Variants in TMEM204 observed in about 807,000 individuals in gnomAD.
TMEM204 encodes transmembrane protein 204, also known as claudin-like protein 24.
TMEM204 carries 15 observed loss-of-function variants against 19.4 expected under a neutral mutation model. The ratio of observed to expected loss-of-function variants is 0.77; its 90% CI spans 0.52 to 1.19. TMEM204 has a LOEUF of 1.19. Among genes scored for constraint, TMEM204 ranks in the 50% most tolerant of loss-of-function variants. TMEM204 has a pLI of 0.00. For synonymous variants in TMEM204, 161 were observed against 146.0 expected (o/e 1.10, Z -0.74); for missense variants, 287 against 321.2 (o/e 0.89, Z 0.81).
Position 1,554,784 on chromosome 16 carries a change from T to C in TMEM204, c.439T>C (p.Phe147Leu), listed in dbSNP as rs2032953423. The C allele has an allele frequency of 6.2e-7, 1 of 1,613,974 alleles. No individual in the cohort carries two copies. Among genetic ancestry groups the C allele is most frequent in the Non-Finnish European group, 8.5e-7 (1 of 1,179,992 alleles). Residue 147 changes from phenylalanine to leucine, a missense_variant and splice_region_variant, in exon 3 of 3, where the codon TTT (phenylalanine) becomes CTT (leucine). Physicochemically the swap from Phe to Leu is conservative, Grantham distance 22. Transcript: ENST00000566264. Reference protein sequence around the residue: ...AMAAAFQLASFVLVIGLVTFY... With the variant: ...AMAAAFQLASLVLVIGLVTFY... ...CTCAACCCTTCTCTCATCTGCAGGT[T>C]TTGTCCTGGTCATCGGGCTCGTGAC... is the stretch of plus-strand genomic sequence containing the variant.
chr16:1,545,262 G>A (rs900167980), intron 2 of TMEM204, among the ~76,000 whole-genome samples: 2 of 152,026 alleles, frequency 1.3e-5, no homozygotes, highest in Non-Finnish European at 2.9e-5. Flanking sequence ...ACCAGGCTCT[G>A]TTCAACAACC....
At chr16:1,546,233 C>T (rs1266674617) in intron 2 of TMEM204, among the ~76,000 whole-genome samples, 2 of 152,224 alleles carry the variant, frequency 1.3e-5, no homozygotes, top group Non-Finnish European at 2.9e-5. Flanking sequence ...TGGCACCTGA[C>T]GCCTGAGTGG....
intron 2 of TMEM204, among the ~76,000 whole-genome samples, chr16:1,547,268 G>T (rs1596341506): frequency 6.6e-6 from 1 of 152,316 alleles, no homozygotes; most frequent in East Asian, 1.9e-4. Flanking sequence ...GATGGCACTG[G>T]TCCGTCCCGA....
rs145332941 is a variant in TMEM204 at position 1,540,705 on chromosome 16, C to T, written c.281-1216C>T. ...CGCTCCTGAGTGGTGAGGCTGCTTC[C>T]CTCTTAGATTCCTGCATCAGTTACC... On this transcript the variant is annotated intron_variant, in intron 1 of 2. Transcript: ENST00000566264. 7.5e-4 allele frequency: 338 copies of T among 449,146 alleles called. 2 individuals are homozygous for T. The Middle Eastern group carries it at 0.011, about 14-fold the overall frequency. 27.8% of individuals were successfully genotyped at this position (449,146 alleles called of 1,614,324 possible).
At chr16:1,549,145 C>A (rs149768875) in intron 2 of TMEM204, among the ~76,000 whole-genome samples, 218 of 152,362 alleles carry the variant, frequency 1.4e-3, no homozygotes, top group African/African-American at 5.0e-3. Context: ...GTCTCACTGG[C>A]GTCCGAGGGC....
chr16:1,540,270 T>G (rs2031505185), intron 1 of TMEM204, among the ~76,000 whole-genome samples: 1 of 152,212 alleles, frequency 6.6e-6, no homozygotes, highest in Non-Finnish European at 1.5e-5. Flanking sequence ...CCAGATTGCA[T>G]TTCAATAAAT....
At chr16:1,542,683 C>T (rs926568424) in intron 2 of TMEM204, among the ~76,000 whole-genome samples, 3 of 152,264 alleles carry the variant, frequency 2.0e-5, no homozygotes, top group Admixed American at 6.5e-5. Context: ...CTGCCTGAGC[C>T]GACAGTGAGG....
rs570610799 is a variant in TMEM204 at position 1,551,616 on chromosome 16, G to A, written c.437-3166G>A. On this transcript the variant is annotated intron_variant, in intron 2 of 2. Transcript: ENST00000566264. The surrounding 1 kb of genome is among the most constrained non-coding windows in gnomAD (Gnocchi z 4.0). ...CCCAGCAAGGTCACCCGGCACTGCT[G>A]CAGACACCTTGAAACGTCCAGCACA... Among the ~76,000 whole-genome samples, 3 of 152,210 alleles carry A rather than the reference G, an allele frequency of 2.0e-5. No homozygotes were observed. The South Asian group carries it at 6.2e-4, about 31-fold the overall frequency.
chr16:1,549,145 C>T (rs149768875), intron 2 of TMEM204, among the ~76,000 whole-genome samples: 209 of 152,360 alleles, frequency 1.4e-3, no homozygotes, highest in African/African-American at 4.8e-3. Flanking sequence ...GTCTCACTGG[C>T]GTCCGAGGGC....
In TMEM204 at chr16:1,534,110, C is replaced by G. The variant is rs576595546; in HGVS notation, c.-166C>G. 2 of 804,836 alleles carry G rather than the reference C, an allele frequency of 2.5e-6. No individual in the cohort carries two copies. The highest frequency in any genetic ancestry group is 1.9e-6 in the Non-Finnish European group (1 of 536,470). The allele number at this position is 804,836 out of a possible 1,614,324, so 49.9% of individuals were successfully genotyped here. A position where few individuals can be genotyped will look rare whatever the true frequency, so the allele number is the denominator to read the frequency against. ...TGCAGGAAGGAGGATAAGGCCGGGCCGAGAGGCGGCACACCTGGACCATCC... is the reference window on the plus strand; with the variant it reads ...TGCAGGAAGGAGGATAAGGCCGGGCGGAGAGGCGGCACACCTGGACCATCC... On this transcript the variant is annotated 5_prime_UTR_variant, in exon 1 of 3. Coordinates refer to ENST00000566264, the MANE Select transcript of TMEM204 (RefSeq NM_024600.6).
At chr16:1,541,800 G>A in intron 1 of TMEM204, 121 bp from the exon 2 acceptor site, 1 of 1,242,150 alleles carries the variant, frequency 8.1e-7, no homozygotes. Flanking sequence ...CCCAATGGAG[G>A]CACAGCCTGT....
At chr16:1,540,997 G>C in intron 1 of TMEM204, 1 of 985,408 alleles carries the variant, frequency 1.0e-6, no homozygotes, top group Non-Finnish European at 1.2e-6. Context: ...GGGCCCCTGT[G>C]TAAGGTTTTA....
In TMEM204 at chr16:1,551,815, C is replaced by T. The variant is rs80150449; in HGVS notation, c.437-2967C>T. Among the ~76,000 whole-genome samples the T allele has an allele frequency of 0.082, 12,552 of 152,202 alleles. 627 individuals carry two copies. The highest frequency in any genetic ancestry group is 0.13 in the African/African-American group (5,396 of 41,512). Reference sequence around the variant, plus strand: ...GATCAACTCTGCGGGACCTCCCACCCGGGCTGGTTGCCCTGTGTTGCCTTA... The same window carrying T: ...GATCAACTCTGCGGGACCTCCCACCTGGGCTGGTTGCCCTGTGTTGCCTTA... On this transcript the variant is annotated intron_variant, in intron 2 of 2. Transcript: ENST00000566264. The surrounding 1 kb of genome is among the most constrained non-coding windows in gnomAD (Gnocchi z 4.0).
At chr16:1,541,044 C>T (rs1567347686) in intron 1 of TMEM204, 35 of 985,414 alleles carry the variant, frequency 3.6e-5, no homozygotes, top group East Asian at 1.1e-4. Flanking sequence ...AGAAACGTGA[C>T]GAGCCCTGGT....
intron 2 of TMEM204, among the ~76,000 whole-genome samples, chr16:1,552,544 A>G (rs779031179): frequency 6.6e-6 from 1 of 152,124 alleles, no homozygotes; most frequent in Non-Finnish European, 1.5e-5. Flanking sequence ...CCTTCACCCC[A>G]GTAACACAAG....
At chr16:1,545,920 C>T (rs2032132879) in intron 2 of TMEM204, among the ~76,000 whole-genome samples, 1 of 152,196 alleles carries the variant, frequency 6.6e-6, no homozygotes, top group African/African-American at 2.4e-5. Context: ...GCTCTGACAC[C>T]CAGAGAGAGC....
At chr16:1,539,322 C>A (rs150515023) in intron 1 of TMEM204, among the ~76,000 whole-genome samples, 207 of 150,462 alleles carry the variant, frequency 1.4e-3, no homozygotes, top group African/African-American at 4.8e-3. Flanking sequence ...CCTTGGGCCT[C>A]AGCAAGCCAC....
intron 2 of TMEM204, among the ~76,000 whole-genome samples, chr16:1,543,587 C>T (rs749244918): frequency 1.3e-5 from 2 of 152,242 alleles, no homozygotes; most frequent in African/African-American, 2.4e-5. Flanking sequence ...ACTAAACTAA[C>T]GTGAGCCTCT....
rs12447152 is a variant in TMEM204 at position 1,534,691 on chromosome 16, C to A, written c.280+136C>A. 7.0e-6 allele frequency: 9 copies of A among 1,281,758 alleles called. No individual in the cohort carries two copies. In the African/African-American group the frequency reaches 1.2e-4, roughly 17 times the overall value. The allele number at this position is 1,281,758 out of a possible 1,614,324, so 79.4% of individuals were successfully genotyped here. A position where few individuals can be genotyped will look rare whatever the true frequency, so the allele number is the denominator to read the frequency against. ...GCCCTGAGCGTGGCCTCTGGGCAGG[C>A]AGGAGGGGGCACTGTGTCTCCCAGG... On this transcript the variant is annotated intron_variant, in intron 1 of 2. Coordinates refer to ENST00000566264, the MANE Select transcript of TMEM204 (RefSeq NM_024600.6).
Sources: allele counts gnomAD v4.1 joint callset (sites outside exome capture counted in the v4.1 genomes callset), GRCh38; gene constraint gnomAD v4.1.1; non-coding constraint Gnocchi (gnomAD v3.1); transcripts MANE v1.5; gene names NCBI Gene and HGNC (gene_info 2026-07-23, HGNC 2026-07-21).